The following FBXL17 variants were observed in gnomAD, a reference collection of about 807,000 sequenced individuals.
The protein encoded by FBXL17 is F-box/LRR-repeat protein 17.
FBXL17 carries 22 observed loss-of-function variants against 66.2 expected under a neutral mutation model. The observed-to-expected ratio is 0.33, with a 90% CI of 0.24 to 0.47. FBXL17 has a LOEUF of 0.47. Ranked by LOEUF, FBXL17 falls within the 20% of genes least tolerant of loss-of-function variation. The pLI, the probability that FBXL17 is intolerant of heterozygous loss-of-function variation, is 1.00. For synonymous variants in FBXL17, 474 were observed against 400.5 expected (o/e 1.18, Z -2.19); for missense variants, 878 against 948.2 (o/e 0.93, Z 0.97).
intron 6 of FBXL17, among the ~76,000 whole-genome samples, chr5:108,174,263 T>C (rs1752710280): frequency 6.6e-6 from 1 of 152,218 alleles, no homozygotes; most frequent in African/African-American, 2.4e-5. Flanking sequence ...TTTTGTTTAA[T>C]TATTTCAAAG....
intron 8 of FBXL17, among the ~76,000 whole-genome samples, chr5:107,873,694 G>A (rs534334277): frequency 2.6e-5 from 4 of 152,230 alleles, no homozygotes; most frequent in African/African-American, 9.6e-5. Context: ...GCTCTGTTGA[G>A]GAATTGCTGC....
At chr5:108,142,460 CCTTA>C (rs2149987436) in intron 6 of FBXL17, among the ~76,000 whole-genome samples, 1 of 152,240 alleles carries the variant, frequency 6.6e-6, no homozygotes, top group African/African-American at 2.4e-5. Context: ...TCTAGATGCT[CCTTA>C]CTATTTATTT....
At position 107,924,591 on chromosome 5, in the gene FBXL17, G is replaced by A. The variant is rs548963588; in HGVS notation, c.1823-43412C>T. On this transcript the variant is annotated intron_variant, in intron 7 of 8. Coordinates refer to ENST00000542267, the MANE Select transcript of FBXL17 (RefSeq NM_001163315.3). ...AAGGTTTGGCTTTGAGGCTGCCCTA[G>A]TCTCCATCTAGAATTCTCTTTTTGT... Among the ~76,000 whole-genome samples the A allele has an allele frequency of 2.0e-5, 3 of 152,278 alleles. No homozygotes were observed. The South Asian group carries it at 6.2e-4, about 32-fold the overall frequency.
intron 7 of FBXL17, among the ~76,000 whole-genome samples, chr5:107,945,337 T>C (rs1374314773): frequency 6.6e-6 from 1 of 152,074 alleles, no homozygotes; most frequent in African/African-American, 2.4e-5. Flanking sequence ...ACAACTTACT[T>C]TGGAGAGCAA....
intron 7 of FBXL17, among the ~76,000 whole-genome samples, chr5:107,949,835 A>G (rs1331116947): frequency 2.0e-5 from 3 of 152,212 alleles, no homozygotes; most frequent in Non-Finnish European, 4.4e-5. Context: ...TGACTTGCCC[A>G]CTGTCCAACA....
At chr5:107,933,298 T>C (rs1433052) in intron 7 of FBXL17, among the ~76,000 whole-genome samples, 152,252 of 152,286 alleles carry the variant, frequency 1, 76,109 homozygotes, top group Non-Finnish European at 1. Flanking sequence ...CACAGGTCTG[T>C]TCAAAATTCA....
chr5:108,098,867 T>C (rs1323276907), intron 6 of FBXL17, among the ~76,000 whole-genome samples: 1 of 152,008 alleles, frequency 6.6e-6, no homozygotes, highest in African/African-American at 2.4e-5. Flanking sequence ...CATGAATATA[T>C]CATGTTTACA....
chr5:107,862,120 T>C (rs987257829), intron 8 of FBXL17, among the ~76,000 whole-genome samples: 9 of 152,138 alleles, frequency 5.9e-5, no homozygotes, highest in Non-Finnish European at 1.3e-4. Flanking sequence ...GAAGCATAAA[T>C]GACTGTGATT....
rs1237669568 is a variant in FBXL17, at chr5:107,937,978, G to C, written c.1823-56799C>G. ...CCTTCTCCTACATGGCTAGAGACCT[G>C]AACTGACCACATCTGATTATCTGCA... On this transcript the variant is annotated intron_variant, in intron 7 of 8. Transcript: ENST00000542267. 2.6e-5 allele frequency among the ~76,000 whole-genome samples: 4 copies of C among 152,230 alleles called. No homozygotes were observed. In the East Asian group the frequency reaches 7.7e-4, roughly 29 times the overall value.
chr5:107,933,190 T>C (rs191856913), intron 7 of FBXL17, among the ~76,000 whole-genome samples: 1 of 152,302 alleles, frequency 6.6e-6, no homozygotes, highest in East Asian at 1.9e-4. Flanking sequence ...TTGATTGATA[T>C]CATTGAGTTA....
chr5:108,033,319 C>T (rs781468722), intron 6 of FBXL17, among the ~76,000 whole-genome samples: 2 of 152,144 alleles, frequency 1.3e-5, no homozygotes, highest in Non-Finnish European at 2.9e-5. Flanking sequence ...ACATCATAAA[C>T]TACAGATGAA....
chr5:108,322,048 C>T (rs576855872), intron 4 of FBXL17, among the ~76,000 whole-genome samples: 1 of 151,988 alleles, frequency 6.6e-6, no homozygotes, highest in South Asian at 2.1e-4. Flanking sequence ...CTTAACAACA[C>T]ACCACTGGCA....
chr5:108,212,977 C>A (rs1007597317), intron 5 of FBXL17, among the ~76,000 whole-genome samples: 10 of 152,188 alleles, frequency 6.6e-5, no homozygotes, highest in African/African-American at 2.4e-4. Flanking sequence ...ATGTCCCTGA[C>A]AGGAACTGTT....
At chr5:108,109,339 A>G (rs1031493432) in intron 6 of FBXL17, among the ~76,000 whole-genome samples, 6 of 151,600 alleles carry the variant, frequency 4.0e-5, no homozygotes, top group Admixed American at 1.3e-4. Flanking sequence ...TGCCCACTCT[A>G]TATCCACAAG....
chr5:108,143,837 T>C (rs1751457366), intron 6 of FBXL17, among the ~76,000 whole-genome samples: 1 of 150,186 alleles, frequency 6.7e-6, no homozygotes, highest in Non-Finnish European at 1.5e-5. Context: ...GAGAAAAGAC[T>C]CCATTTTGGC....
chr5:107,967,695 AG>A (rs1039536103), intron 7 of FBXL17, among the ~76,000 whole-genome samples: 6 of 152,080 alleles, frequency 3.9e-5, no homozygotes, highest in Non-Finnish European at 7.4e-5. Flanking sequence ...AAAAAAGAAT[AG>A]GAAAAAAACA....
chr5:108,216,143 GT>G (rs1374936673), intron 5 of FBXL17, among the ~76,000 whole-genome samples: 2 of 151,928 alleles, frequency 1.3e-5, no homozygotes, highest in African/African-American at 4.8e-5. Context: ...CTCCAACACT[GT>G]TTTTCTTTTT....
At chr5:107,966,346 G>C (rs1004097514) in intron 7 of FBXL17, among the ~76,000 whole-genome samples, 1 of 152,072 alleles carries the variant, frequency 6.6e-6, no homozygotes, top group African/African-American at 2.4e-5. Context: ...TCACCCTCTT[G>C]AGACCCTGCA....
At chr5:107,903,924 G>A (rs936153131) in intron 7 of FBXL17, among the ~76,000 whole-genome samples, 9 of 152,106 alleles carry the variant, frequency 5.9e-5, no homozygotes, top group Non-Finnish European at 1.3e-4. Context: ...GTCACTGGTT[G>A]GCAAGAGAGA....
Sources: allele counts gnomAD v4.1 joint callset (sites outside exome capture counted in the v4.1 genomes callset), GRCh38; gene constraint gnomAD v4.1.1; transcripts MANE v1.5; gene names NCBI Gene and HGNC (gene_info 2026-07-23, HGNC 2026-07-21).